The following FOXP2 variants were observed in gnomAD, a reference collection of about 807,000 sequenced individuals.
FOXP2 encodes the protein forkhead box protein P2.
FOXP2 carries 12 observed loss-of-function variants against 115.8 expected under a neutral mutation model. The observed-to-expected ratio is 0.10, with a 90% CI of 0.07 to 0.17. The LOEUF is 0.17. Among genes scored for constraint, FOXP2 ranks in the 10% least tolerant of loss-of-function variants. The probability of loss-of-function intolerance (pLI) is 1.00; values close to 1 mark genes in which losing one functional copy is unlikely to be tolerated. For missense variants in FOXP2, 629 were observed against 843.5 expected (o/e 0.75, Z 3.15); for synonymous variants, 328 against 297.7 (o/e 1.10, Z -1.05).
intron 2 of FOXP2, among the ~76,000 whole-genome samples, chr7:114,292,328 A>C (rs1455095342): frequency 6.6e-6 from 1 of 152,086 alleles, no homozygotes; most frequent in Non-Finnish European, 1.5e-5. Flanking sequence ...GAAACATGTA[A>C]AATTTTATTT....
intron 6 of FOXP2, among the ~76,000 whole-genome samples, chr7:114,632,780 T>A (rs1462994445): frequency 1.3e-5 from 2 of 152,102 alleles, no homozygotes; most frequent in Non-Finnish European, 2.9e-5. Flanking sequence ...TCAAAAAAGA[T>A]AAAGTTTAAA....
chr7:114,319,412 G>A (rs753703958), intron 2 of FOXP2, among the ~76,000 whole-genome samples: 12 of 152,160 alleles, frequency 7.9e-5, no homozygotes, highest in Non-Finnish European at 1.8e-4. Context: ...TTCACAGAAA[G>A]CATATTTGAG....
rs1239300051 is a variant in FOXP2, at chr7:114,579,910, T to G, written c.258+45204T>G. 2.0e-5 allele frequency among the ~76,000 whole-genome samples: 3 copies of G among 152,206 alleles called. No homozygotes were observed. In the East Asian group the frequency reaches 5.8e-4, roughly 29 times the overall value. On this transcript the variant is annotated intron_variant, in intron 3 of 16. Coordinates refer to ENST00000350908, the MANE Select transcript of FOXP2 (RefSeq NM_014491.4). ...ATACGTAATTTAGGATTCAAAAATC[T>G]ATGCACTCTAAGGAGAGATTCAATC...
chr7:114,344,225 G>T (rs74542442), intron 2 of FOXP2, among the ~76,000 whole-genome samples: 2 of 151,656 alleles, frequency 1.3e-5, no homozygotes, highest in African/African-American at 2.4e-5. Flanking sequence ...TTTTGGCTTC[G>T]GTTCTATGAT....
chr7:114,460,929 C>G (rs371395506), intron 2 of FOXP2, among the ~76,000 whole-genome samples: 1 of 152,064 alleles, frequency 6.6e-6, no homozygotes, highest in Non-Finnish European at 1.5e-5. Flanking sequence ...TTCCTCTATC[C>G]GAATCTTTAC....
Position 114,282,202 on chromosome 7 carries a change from C to T in FOXP2, c.-101-5817C>T, listed in dbSNP as rs149366377. Among the ~76,000 whole-genome samples the T allele has an allele frequency of 1.5e-3, 233 of 152,214 alleles. 2 individuals carry two copies. Among genetic ancestry groups the T allele is most frequent in the Non-Finnish European group, 2.6e-3 (179 of 68,006 alleles). On this transcript the variant is annotated intron_variant, in intron 1 of 17. Coordinates refer to the FOXP2 transcript ENST00000634411. ...ATTTATGTATATATGTTTAGATCTG[C>T]GTCATAGCTTTGCATCATATGCAGT...
intron 16 of FOXP2, among the ~76,000 whole-genome samples, chr7:114,680,395 C>G (rs1183686980): frequency 1.3e-5 from 2 of 152,054 alleles, no homozygotes; most frequent in African/African-American, 4.8e-5. Context: ...TGCACTAAAA[C>G]CAAAGTTGAT....
chr7:114,332,525 C>A (rs1425452481), intron 2 of FOXP2, among the ~76,000 whole-genome samples: 1 of 152,094 alleles, frequency 6.6e-6, no homozygotes, highest in African/African-American at 2.4e-5. Context: ...AATGTCTGAG[C>A]ATATTGAAGG....
At chr7:114,141,096 C>T (rs1482110617) in intron 1 of FOXP2, among the ~76,000 whole-genome samples, 1 of 152,134 alleles carries the variant, frequency 6.6e-6, no homozygotes, top group East Asian at 1.9e-4. Flanking sequence ...AATCATCTTT[C>T]TTCCTCACTT....
chr7:114,172,312 G>T (rs1487140118), intron 1 of FOXP2, among the ~76,000 whole-genome samples: 2 of 152,130 alleles, frequency 1.3e-5, no homozygotes, highest in Non-Finnish European at 2.9e-5. Context: ...TCTGTAAAAG[G>T]CAAAAGTAAA....
chr7:114,511,206 G>T (rs539153064), intron 2 of FOXP2, among the ~76,000 whole-genome samples: 1 of 152,184 alleles, frequency 6.6e-6, no homozygotes, highest in East Asian at 1.9e-4. Flanking sequence ...GGCCTGTCAG[G>T]GGGTGGGGGG....
At chr7:114,221,628 T>G (rs2129163802) in intron 1 of FOXP2, among the ~76,000 whole-genome samples, 1 of 152,260 alleles carries the variant, frequency 6.6e-6, no homozygotes, top group South Asian at 2.1e-4. Flanking sequence ...GGGTCCCCCA[T>G]GTCTCCCTAG....
intron 1 of FOXP2, among the ~76,000 whole-genome samples, chr7:114,110,748 C>T (rs1264392002): frequency 6.6e-6 from 1 of 152,104 alleles, no homozygotes; most frequent in Non-Finnish European, 1.5e-5. Flanking sequence ...AGAATGATGG[C>T]TTTCTTCCTG....
At chr7:114,588,634 A>G (rs964002654) in intron 3 of FOXP2, among the ~76,000 whole-genome samples, 5 of 152,182 alleles carry the variant, frequency 3.3e-5, no homozygotes, top group African/African-American at 1.2e-4. Context: ...ATTTGTCTTT[A>G]GAGAGATATC....
chr7:114,536,397 C>CTTTTTTTTTTTTT (rs3997242), intron 3 of FOXP2, among the ~76,000 whole-genome samples: 19 of 112,356 alleles, frequency 1.7e-4, no homozygotes, highest in Non-Finnish European at 2.2e-4. Context: ...TTTTTCTTTT[C>CTTTTTTTTTTTTT]TTTTTTTTTT....
intron 1 of FOXP2, among the ~76,000 whole-genome samples, chr7:114,245,745 T>C (rs1795265568): frequency 1.3e-5 from 2 of 152,188 alleles, no homozygotes; most frequent in Admixed American, 6.5e-5. Flanking sequence ...TTTATAAGAC[T>C]TGTACATGTG....
chr7:114,667,123 T>C (rs1352781259), intron 16 of FOXP2: 1 of 152,098 alleles, frequency 6.6e-6, no homozygotes, highest in Non-Finnish European at 1.5e-5. Context: ...AGCAGATCCA[T>C]AAAACTGAAA....
At chr7:114,201,554 A>G (rs933573761) in intron 1 of FOXP2, among the ~76,000 whole-genome samples, 2 of 152,186 alleles carry the variant, frequency 1.3e-5, no homozygotes, top group African/African-American at 4.8e-5. Context: ...TTTTACTGAT[A>G]TATTTTTGTT....
intron 1 of FOXP2, among the ~76,000 whole-genome samples, chr7:114,114,734 T>C (rs559581033): frequency 6.6e-6 from 1 of 152,314 alleles, no homozygotes; most frequent in East Asian, 1.9e-4. Context: ...CTTATAGTTA[T>C]TGATATTCAC....
Sources: gnomAD v4.1 joint callset for allele counts (sites outside exome capture counted in the v4.1 genomes callset) on GRCh38, gnomAD v4.1.1 for gene constraint, MANE v1.5 for transcripts, NCBI Gene and HGNC (gene_info 2026-07-23, HGNC 2026-07-21) for gene names.